TSPAN12: variants seen among roughly 807,000 people sequenced by gnomAD.
TSPAN12 encodes the protein tetraspanin 12.
TSPAN12 carries 19 observed loss-of-function variants against 39.2 expected under a neutral mutation model. The observed-to-expected ratio is 0.49, with a 90% CI of 0.34 to 0.71. The LOEUF (loss-of-function observed/expected upper bound fraction) is 0.71. Among genes scored for constraint, TSPAN12 ranks in the 30% least tolerant of loss-of-function variants. The pLI, the probability that TSPAN12 is intolerant of heterozygous loss-of-function variation, is 0.01. For synonymous variants in TSPAN12, 119 were observed against 124.8 expected (o/e 0.95, Z 0.31); for missense variants, 314 against 359.9 (o/e 0.87, Z 1.03).
chr7:120,849,091 G>T (rs944205530), intron 2 of TSPAN12, among the ~76,000 whole-genome samples: 1 of 152,130 alleles, frequency 6.6e-6, no homozygotes, highest in Non-Finnish European at 1.5e-5. Flanking sequence ...AGGCAGCTAG[G>T]TTTTATAGCT....
rs1246375206 is a variant in TSPAN12, at chr7:120,794,475, A to G, written c.613-5578T>C. 2.6e-5 allele frequency among the ~76,000 whole-genome samples: 4 copies of G among 151,502 alleles called. No individual in the cohort carries two copies. In the East Asian group the frequency reaches 7.8e-4, roughly 29 times the overall value. ...TGTTTCTTTAAAAGTGTGTAGCACC[A>G]CCCCCCATCTCTCTCTCCGGTTCCT... On this transcript the variant is annotated intron_variant, in intron 7 of 7. Transcript: ENST00000222747.
intron 2 of TSPAN12, among the ~76,000 whole-genome samples, chr7:120,841,631 A>ACAT (rs1794580582): frequency 1.2e-4 from 1 of 8,470 alleles, no homozygotes; most frequent in Non-Finnish European, 2.0e-4. Flanking sequence ...GTATGAGAAT[A>ACAT]TATTATTTTT....
chr7:120,848,792 G>GATTCC (rs1324727377), intron 2 of TSPAN12, among the ~76,000 whole-genome samples: 1 of 152,206 alleles, frequency 6.6e-6, no homozygotes, highest in Non-Finnish European at 1.5e-5. Context: ...TTAAATGTCT[G>GATTCC]AGAACAGTTT....
chr7:120,804,086 A>G (rs1219451575), intron 7 of TSPAN12, among the ~76,000 whole-genome samples: 1 of 152,128 alleles, frequency 6.6e-6, no homozygotes, highest in Non-Finnish European at 1.5e-5. Context: ...TACAAATTAT[A>G]CCATAATGTT....
chr7:120,857,611 G>C (rs1036917583), intron 1 of TSPAN12, among the ~76,000 whole-genome samples: 4 of 152,084 alleles, frequency 2.6e-5, no homozygotes, highest in African/African-American at 9.7e-5. Flanking sequence ...GCGACCCCTC[G>C]CTCAAAGCCG....
chr7:120,854,295 G>A (rs941526063), intron 2 of TSPAN12, among the ~76,000 whole-genome samples: 14 of 152,166 alleles, frequency 9.2e-5, no homozygotes, highest in African/African-American at 2.2e-4. Flanking sequence ...AATAGTAGCA[G>A]TATTAATCAT....
At chr7:120,804,146 A>T (rs1408954845) in intron 7 of TSPAN12, among the ~76,000 whole-genome samples, 2 of 152,130 alleles carry the variant, frequency 1.3e-5, no homozygotes, top group Admixed American at 6.6e-5. Context: ...AAACTAACAA[A>T]TGGACAATTC....
intron 6 of TSPAN12, among the ~76,000 whole-genome samples, chr7:120,808,755 G>A (rs1260116542): frequency 6.6e-6 from 1 of 152,118 alleles, no homozygotes; most frequent in African/African-American, 2.4e-5. Context: ...GAGGAGCAAA[G>A]GAGACTGGCA....
rs1331859165 is a variant in TSPAN12, at chr7:120,788,488, G to T, written c.*104C>A. The stretch of plus-strand genomic sequence containing the variant: ...AGTATATGCTTAGGTGTTATTTTAT[G>T]GCAACATTTTTATTTCTACATATTT... On this transcript the variant is annotated 3_prime_UTR_variant, in exon 8 of 8. Transcript: ENST00000222747. 23 of 1,406,690 alleles carry T rather than the reference G, an allele frequency of 1.6e-5. No individual in the cohort carries two copies. Among genetic ancestry groups the T allele is most frequent in the Middle Eastern group, 4.4e-4 (2 of 4,562 alleles). 87.1% of individuals were successfully genotyped at this position (1,406,690 alleles called of 1,614,324 possible). A position where few individuals can be genotyped will look rare whatever the true frequency, so the allele number is the denominator to read the frequency against.
intron 4 of TSPAN12, among the ~76,000 whole-genome samples, chr7:120,837,846 A>G (rs1055143556): frequency 1.3e-5 from 2 of 152,214 alleles, no homozygotes; most frequent in African/African-American, 4.8e-5. Context: ...CCAGTTCCAC[A>G]TTCAGTGATT....
chr7:120,807,940 T>C (rs1472902549), intron 6 of TSPAN12, among the ~76,000 whole-genome samples: 2 of 152,116 alleles, frequency 1.3e-5, no homozygotes, highest in African/African-American at 4.8e-5. Context: ...ACAAATTTAG[T>C]CAATAATTTG....
chr7:120,825,028 G>GT (rs745974356), intron 4 of TSPAN12, among the ~76,000 whole-genome samples: 105 of 152,222 alleles, frequency 6.9e-4, no homozygotes, highest in Non-Finnish European at 1.4e-3. Context: ...AAAAAACTCT[G>GT]TATCTACCTC....
intron 7 of TSPAN12, 116 bp from the exon 8 acceptor site, chr7:120,789,013 A>C: frequency 9.1e-7 from 1 of 1,093,454 alleles, no homozygotes; most frequent in Non-Finnish European, 1.4e-6. Flanking sequence ...TGGGATCATA[A>C]AGTTTAAGAC....
At chr7:120,814,466 G>C (rs973824801) in intron 5 of TSPAN12, among the ~76,000 whole-genome samples, 1 of 152,140 alleles carries the variant, frequency 6.6e-6, no homozygotes, top group Non-Finnish European at 1.5e-5. Flanking sequence ...GATGGCCCAA[G>C]AACTACATAT....
rs750664158 is a variant in TSPAN12 at position 120,788,727 on chromosome 7, C to T, written c.783G>A (p.Met261Ile). ...DRREPGTDQM[M>I]SLKNDNSQHL... is the part of the protein sequence containing the mutation. ...GCTGAGAGTTGTCATTCTTCAAGGA[C>T]ATCATTTGGTCTGTCCCCGGCTCCC... Residue 261 changes from methionine to isoleucine, a missense_variant, in exon 8 of 8, where the codon ATG (methionine) becomes ATA (isoleucine). By Grantham distance (10) the Met-to-Ile change is conservative. Transcript: ENST00000222747. 1 of 1,614,026 alleles carries T rather than the reference C, an allele frequency of 6.2e-7. No individual in the cohort carries two copies. Among genetic ancestry groups the T allele is most frequent in the African/African-American group, 1.3e-5 (1 of 74,908 alleles).
intron 4 of TSPAN12, among the ~76,000 whole-genome samples, chr7:120,824,238 C>T (rs552830746): frequency 6.6e-6 from 1 of 150,774 alleles, no homozygotes; most frequent in East Asian, 1.9e-4. Flanking sequence ...CAAGACCATC[C>T]TGGCCAACAT....
At chr7:120,828,975 T>C (rs980775250) in intron 4 of TSPAN12, among the ~76,000 whole-genome samples, 3 of 152,188 alleles carry the variant, frequency 2.0e-5, no homozygotes, top group Non-Finnish European at 2.9e-5. Context: ...TTAAAGATTA[T>C]GTTTCTAAAA....
chr7:120,853,641 G>A (rs1339473038), intron 2 of TSPAN12, among the ~76,000 whole-genome samples: 2 of 150,584 alleles, frequency 1.3e-5, no homozygotes, highest in East Asian at 1.9e-4. Flanking sequence ...TTGAGAGGCC[G>A]AGGTGGGTGG....
rs553889539 is a variant in TSPAN12 at position 120,792,690 on chromosome 7, GACC to G, written c.613-3796_613-3794del. Among the ~76,000 whole-genome samples the G allele has an allele frequency of 1.8e-4, 28 of 152,296 alleles. 1 individual carries two copies. Among genetic ancestry groups the G allele is most frequent in the Non-Finnish European group, 2.8e-4 (19 of 68,034 alleles). ...AAGCTAACTGAGTAGAAACTTCAATGACCACATGTGACAAAGAATACAGCCTTT... is the reference window on the plus strand; with the variant it reads ...AAGCTAACTGAGTAGAAACTTCAATGACATGTGACAAAGAATACAGCCTTT... On this transcript the variant is annotated intron_variant, in intron 7 of 7. Coordinates refer to ENST00000222747, the MANE Select transcript of TSPAN12 (RefSeq NM_012338.4).
Sources: allele counts gnomAD v4.1 joint callset (sites outside exome capture counted in the v4.1 genomes callset), GRCh38; gene constraint gnomAD v4.1.1; transcripts MANE v1.5; gene names NCBI Gene and HGNC (gene_info 2026-07-23, HGNC 2026-07-21).